The following EPOR variants were observed in gnomAD, a reference collection of about 807,000 sequenced individuals.
The protein encoded by EPOR is erythropoietin receptor.
A neutral mutation model predicts 34.3 loss-of-function variants in EPOR; 20 were observed. The ratio of observed to expected loss-of-function variants is 0.58; its 90% CI spans 0.41 to 0.85. The LOEUF (loss-of-function observed/expected upper bound fraction) is 0.85. EPOR is among the 40% of genes least tolerant of loss of function. The pLI, the probability that EPOR is intolerant of heterozygous loss-of-function variation, is 0.00. For missense variants in EPOR, 601 were observed against 672.7 expected (o/e 0.89, Z 1.18); for synonymous variants, 312 against 299.0 (o/e 1.04, Z -0.45).
At chr19:11,379,384 C>A (rs574147693) in intron 6 of EPOR, among the ~76,000 whole-genome samples, 1 of 152,130 alleles carries the variant, frequency 6.6e-6, no homozygotes, top group South Asian at 2.1e-4. Context: ...GAGTTTGAGA[C>A]CAGCCTGGCC....
In EPOR at chr19:11,383,349, G is replaced by A. The variant is rs922240101; in HGVS notation, c.116-117C>T. The A allele has an allele frequency of 1.2e-5, 13 of 1,065,298 alleles. No individual in the cohort carries two copies. The highest frequency in any genetic ancestry group is 8.0e-5 in the African/African-American group (5 of 62,746). The allele number at this position is 1,065,298 out of a possible 1,614,324, so 66.0% of individuals were successfully genotyped here. On this transcript the variant is annotated intron_variant, in intron 1 of 7. Coordinates refer to ENST00000222139, the MANE Select transcript of EPOR (RefSeq NM_000121.4). The surrounding 1 kb of genome is among the most constrained non-coding windows in gnomAD (Gnocchi z 4.9). Reference sequence around the variant, plus strand: ...CCCGATAAGAAAAAAGCCCCGCCCTGCCATCTTCCCAAGCGGGTCCCTTGG... The same window carrying A: ...CCCGATAAGAAAAAAGCCCCGCCCTACCATCTTCCCAAGCGGGTCCCTTGG...
chr19:11,378,674 A>C lies in EPOR; in HGVS notation c.915+17T>G, dbSNP rs771039560. 4.3e-6 allele frequency: 7 copies of C among 1,614,164 alleles called. No individual in the cohort carries two copies. Among genetic ancestry groups the C allele is most frequent in the Middle Eastern group, 1.6e-4 (1 of 6,062 alleles). On this transcript the variant is annotated intron_variant, in intron 7 of 7. Coordinates refer to ENST00000222139, the MANE Select transcript of EPOR (RefSeq NM_000121.4). The surrounding 1 kb of genome is among the most constrained non-coding windows in gnomAD (Gnocchi z 5.3). ...GCAGGGAAGCCCAGGCACTGAGGGG[A>C]CAACCAGGCCACCTACCTGGAAGTT...
intron 6 of EPOR, among the ~76,000 whole-genome samples, chr19:11,379,220 G>A (rs1968324046): frequency 6.6e-6 from 1 of 152,056 alleles, no homozygotes; most frequent in Admixed American, 6.6e-5. Flanking sequence ...ATTTTTCCAG[G>A]AGGTCCATGA....
chr19:11,377,891 G>A lies in EPOR; in HGVS notation c.*93C>T, dbSNP rs535127351. 1.2e-5 allele frequency: 19 copies of A among 1,525,762 alleles called. No individual in the cohort carries two copies. The highest frequency in any genetic ancestry group is 1.7e-5 in the Non-Finnish European group (19 of 1,104,362). The allele number at this position is 1,525,762 out of a possible 1,614,324, so 94.5% of individuals were successfully genotyped here. ...CAAAATCAGCAATGCCCCTGCTCCT[G>A]AGAGAGGCCTCGCCATCCCTGTTCC... On this transcript the variant is annotated 3_prime_UTR_variant, in exon 8 of 8. Transcript: ENST00000222139.
chr19:11,382,851 G>A (rs1212721652), intron 2 of EPOR: 9 of 1,494,476 alleles, frequency 6.0e-6, no homozygotes, highest in Non-Finnish European at 7.1e-6. Flanking sequence ...CCTTACCCTC[G>A]ATTTGGAGGC....
rs1239516139 is a variant in EPOR, at chr19:11,384,198, G to C, written c.10C>G (p.Leu4Val). The C allele has an allele frequency of 1.3e-6, 2 of 1,544,858 alleles. No homozygotes were observed. Among genetic ancestry groups the C allele is most frequent in the Non-Finnish European group, 1.7e-6 (2 of 1,145,502 alleles). MDH[L>V]GASLWPQVGS... ...ACCTGGGGCCAGAGGGACGCCCCGAGGTGGTCCATGATACAGCCCCCGCCA... is the reference window on the plus strand; with the variant it reads ...ACCTGGGGCCAGAGGGACGCCCCGACGTGGTCCATGATACAGCCCCCGCCA... The change falls in exon 1 of 8, where the codon CTC becomes GTC. Residue 4 changes from leucine (L) to valine (V), a missense_variant. Coordinates refer to ENST00000222139, the MANE Select transcript of EPOR (RefSeq NM_000121.4).
At position 11,379,031 on chromosome 19, in the gene EPOR, C is replaced by T. The variant is rs912054638; in HGVS notation, c.828-253G>A. On this transcript the variant is annotated intron_variant, in intron 6 of 7. Transcript: ENST00000222139. ...TACCTTGGTCATTCTCCCTTTAATC[C>T]TGGCCATGGCCAGGTGCAGTGGTTT... Among the ~76,000 whole-genome samples, 5 of 152,118 alleles carry T rather than the reference C, an allele frequency of 3.3e-5. No individual in the cohort carries two copies. In the South Asian group the frequency reaches 8.3e-4, roughly 25 times the overall value.
Position 11,378,862 on chromosome 19 carries a change from A to G in EPOR, c.828-84T>C. 1.5e-6 allele frequency: 2 copies of G among 1,336,746 alleles called. No individual in the cohort carries two copies. The highest frequency in any genetic ancestry group is 1.2e-5 in the South Asian group (1 of 83,492). The allele number at this position is 1,336,746 out of a possible 1,614,324, so 82.8% of individuals were successfully genotyped here. A position where few individuals can be genotyped will look rare whatever the true frequency, so the allele number is the denominator to read the frequency against. On this transcript the variant is annotated intron_variant, in intron 6 of 7. Coordinates refer to ENST00000222139, the MANE Select transcript of EPOR (RefSeq NM_000121.4). The surrounding 1 kb of genome is among the most constrained non-coding windows in gnomAD (Gnocchi z 5.3). ...CCCCTCCACTCCCAGTCATAGAGGC[A>G]CAGATACACTTGGTCCCTGTGATCA... is the stretch of plus-strand genomic sequence containing the variant.
In EPOR at chr19:11,381,387, C is replaced by A; in HGVS notation, c.586-178G>T. The A allele has an allele frequency of 1.3e-6, 1 of 743,730 alleles. No individual in the cohort carries two copies. Among genetic ancestry groups the A allele is most frequent in the Non-Finnish European group, 2.2e-6 (1 of 454,630 alleles). The allele number at this position is 743,730 out of a possible 1,614,324, so 46.1% of individuals were successfully genotyped here. On this transcript the variant is annotated intron_variant, in intron 4 of 7. Coordinates refer to ENST00000222139, the MANE Select transcript of EPOR (RefSeq NM_000121.4). The surrounding 1 kb of genome is among the most constrained non-coding windows in gnomAD (Gnocchi z 5.3). ...GCTCAGGGCCAATCAGAGAGAGAGT[C>A]TCTGGTACGAAAGGGCGGGACCCGG...
intron 6 of EPOR, among the ~76,000 whole-genome samples, chr19:11,380,510 G>T (rs550540904): frequency 6.6e-6 from 1 of 152,202 alleles, no homozygotes; most frequent in African/African-American, 2.4e-5. Flanking sequence ...ACCTCAGAAC[G>T]GCTAGTCTGA....
chr19:11,380,926 A>G lies in EPOR; in HGVS notation c.785T>C (p.Ile262Thr). Reference protein sequence around the residue: ...ILTLSLILVVILVLLTVLALL... With the variant: ...ILTLSLILVVTLVLLTVLALL... ...CGCGAGCACGGTCAGCAGCACCAGG[A>G]TGACCACGAGGATGAGGGAGAGCGT... Residue 262 changes from isoleucine to threonine, a missense_variant, in exon 6 of 8, where the codon ATC (isoleucine) becomes ACC (threonine). Ile to Thr is a moderately conservative substitution (Grantham distance 89). Coordinates refer to ENST00000222139, the MANE Select transcript of EPOR (RefSeq NM_000121.4). 8 of 1,551,966 alleles carry G rather than the reference A, an allele frequency of 5.2e-6. No homozygotes were observed. Among genetic ancestry groups the G allele is most frequent in the Non-Finnish European group, 7.0e-6 (8 of 1,147,078 alleles).
At chr19:11,382,174 G>T in intron 2 of EPOR, 69 bp from the exon 3 acceptor site, 1 of 1,317,312 alleles carries the variant, frequency 7.6e-7, no homozygotes, top group Non-Finnish European at 1.1e-6. Context: ...GGCCTGTGGG[G>T]GGCAGTGTGT....
rs779264719 is a variant in EPOR at position 11,378,419 on chromosome 19, G to A, written c.1092C>T (p.Ala364=). ...PLLEPVGSEH[A]QDTYLVLDKW... ...TGTCCAGCACCAGATAGGTATCCTGGGCATGCTCACTGCCCACTGGCTCCA... is the reference window on the plus strand; with the variant it reads ...TGTCCAGCACCAGATAGGTATCCTGAGCATGCTCACTGCCCACTGGCTCCA... Residue 364 remains alanine, a synonymous_variant, in exon 8 of 8, where the codon GCC becomes GCT. Coordinates refer to ENST00000222139, the MANE Select transcript of EPOR (RefSeq NM_000121.4). The surrounding 1 kb of genome is among the most constrained non-coding windows in gnomAD (Gnocchi z 5.3). The A allele has an allele frequency of 3.1e-6, 5 of 1,613,984 alleles. No homozygotes were observed. In the South Asian group the frequency reaches 4.4e-5, roughly 14 times the overall value.
chr19:11,377,676 T>C lies in EPOR; in HGVS notation c.*308A>G. 1.8e-6 allele frequency: 1 copy of C among 553,674 alleles called. No individual in the cohort carries two copies. Among genetic ancestry groups the C allele is most frequent in the Non-Finnish European group, 3.4e-6 (1 of 293,718 alleles). The allele number at this position is 553,674 out of a possible 1,614,324, so 34.3% of individuals were successfully genotyped here. ...TTGCAGATCCAGCTTCTGAATAAGCTCAAGAACTTTAACTTCTATCCCTAT... is the reference window on the plus strand; with the variant it reads ...TTGCAGATCCAGCTTCTGAATAAGCCCAAGAACTTTAACTTCTATCCCTAT... On this transcript the variant is annotated 3_prime_UTR_variant, in exon 8 of 8. Coordinates refer to ENST00000222139, the MANE Select transcript of EPOR (RefSeq NM_000121.4).
Position 11,383,344 on chromosome 19 carries a change from G to C in EPOR, c.116-112C>G. On this transcript the variant is annotated intron_variant, in intron 1 of 7. Coordinates refer to ENST00000222139, the MANE Select transcript of EPOR (RefSeq NM_000121.4). The surrounding 1 kb of genome is among the most constrained non-coding windows in gnomAD (Gnocchi z 4.9). ...GCGGACCCGATAAGAAAAAAGCCCC[G>C]CCCTGCCATCTTCCCAAGCGGGTCC... 1.8e-6 allele frequency: 2 copies of C among 1,112,506 alleles called. No individual in the cohort carries two copies. The highest frequency in any genetic ancestry group is 2.6e-5 in the East Asian group (1 of 39,072). 68.9% of individuals were successfully genotyped at this position (1,112,506 alleles called of 1,614,324 possible). A position where few individuals can be genotyped will look rare whatever the true frequency, so the allele number is the denominator to read the frequency against.
Position 11,383,018 on chromosome 19 carries a change from A to T in EPOR, c.251+79T>A, listed in dbSNP as rs753744340. The T allele has an allele frequency of 6.2e-7, 1 of 1,607,284 alleles. No individual in the cohort carries two copies. The highest frequency in any genetic ancestry group is 8.5e-7 in the Non-Finnish European group (1 of 1,179,356). On this transcript the variant is annotated intron_variant, in intron 2 of 7. Coordinates refer to ENST00000222139, the MANE Select transcript of EPOR (RefSeq NM_000121.4). This position sits in a 1 kb window ranked among gnomAD's most constrained non-coding sequence, Gnocchi z 4.9. ...CGTCGGGCCTCAAACAGCAGGGGAC[A>T]TACGAGGCTACGACCTCCAGGGAGC... is the stretch of plus-strand genomic sequence containing the variant.
At position 11,381,340 on chromosome 19, in the gene EPOR, G is replaced by A; in HGVS notation, c.586-131C>T. 2 of 1,003,154 alleles carry A rather than the reference G, an allele frequency of 2.0e-6. No individual in the cohort carries two copies. Among genetic ancestry groups the A allele is most frequent in the Non-Finnish European group, 1.5e-6 (1 of 667,010 alleles). 62.1% of individuals were successfully genotyped at this position (1,003,154 alleles called of 1,614,324 possible). On this transcript the variant is annotated intron_variant, in intron 4 of 7. Transcript: ENST00000222139. This position sits in a 1 kb window ranked among gnomAD's most constrained non-coding sequence, Gnocchi z 5.3. ...TAGAATTGCAATGGGACCAATAAGA[G>A]TAGGGGGAGGAGCCCAAGAAAGCTC...
intron 2 of EPOR, 139 bp downstream of exon 2, chr19:11,382,958 G>C (rs146578258): frequency 1.3e-6 from 2 of 1,567,960 alleles, no homozygotes; most frequent in Non-Finnish European, 1.7e-6. Context: ...CCCTGGACCC[G>C]CAGGTTTCCC....
Position 11,378,709 on chromosome 19 carries a change from G to T in EPOR, c.897C>A (p.Thr299=). 1 of 1,614,192 alleles carries T rather than the reference G, an allele frequency of 6.2e-7. No individual in the cohort carries two copies. Among genetic ancestry groups the T allele is most frequent in the Non-Finnish European group, 8.5e-7 (1 of 1,180,036 alleles). Residue 299 remains threonine (T), a synonymous_variant, in exon 7 of 8, where the codon ACC becomes ACA. Coordinates refer to ENST00000222139, the MANE Select transcript of EPOR (RefSeq NM_000121.4). The surrounding 1 kb of genome is among the most constrained non-coding windows in gnomAD (Gnocchi z 5.3). ...CACCTACCTGGAAGTTACCCTTGTG[G>T]GTGGTGAAGAGGCCTTCAAACTCGC... ...PESEFEGLFT[T]HKGNFQLWLY...
Sources: allele counts gnomAD v4.1 joint callset (sites outside exome capture counted in the v4.1 genomes callset), GRCh38; gene constraint gnomAD v4.1.1; non-coding constraint Gnocchi (gnomAD v3.1); transcripts MANE v1.5; gene names NCBI Gene and HGNC (gene_info 2026-07-23, HGNC 2026-07-21).